Variants in CLEC16A observed in about 807,000 individuals in gnomAD.
The protein encoded by CLEC16A is protein CLEC16A.
In CLEC16A, 51 loss-of-function variants were observed where a neutral mutation model predicts 109.5. The ratio of observed to expected loss-of-function variants is 0.47; its 90% CI spans 0.37 to 0.59. The LOEUF (loss-of-function observed/expected upper bound fraction) is 0.59, where lower values mean the gene tolerates loss of function less well. Ranked by LOEUF, CLEC16A falls within the 20% of genes least tolerant of loss-of-function variation. CLEC16A has a pLI of 0.00. For missense variants in CLEC16A, 1,339 were observed against 1,394.0 expected (o/e 0.96, Z 0.63); for synonymous variants, 673 against 564.2 (o/e 1.19, Z -2.73).
In CLEC16A at chr16:10,981,708, A is replaced by G. The variant is rs183246612; in HGVS notation, c.958-1170A>G. 1.8e-4 allele frequency among the ~76,000 whole-genome samples: 27 copies of G among 152,358 alleles called. No homozygotes were observed. In the East Asian group the frequency reaches 4.8e-3, roughly 27 times the overall value. On this transcript the variant is annotated intron_variant, in intron 9 of 23. Transcript: ENST00000409790. The stretch of plus-strand genomic sequence containing the variant: ...TTAAAGTTAAAAAGTTCAAACATGT[A>G]AAAACCGGGTTTCTGTTCTAGTTTT...
intron 23 of CLEC16A, among the ~76,000 whole-genome samples, chr16:11,173,884 CT>C (rs1490003221): frequency 2.6e-5 from 4 of 152,184 alleles, no homozygotes; most frequent in East Asian, 1.9e-4. Context: ...TTCTCTGCCC[CT>C]AACCCGGTTA....
rs143937504 is a variant in CLEC16A, at chr16:10,945,721, G to C, written c.80+924G>C. 6.3e-3 allele frequency among the ~76,000 whole-genome samples: 967 copies of C among 152,336 alleles called. 19 individuals are homozygous for C. Among genetic ancestry groups the C allele is most frequent in the African/African-American group, 0.022 (918 of 41,570 alleles). On this transcript the variant is annotated intron_variant, in intron 1 of 23. Transcript: ENST00000409790. ...TAGTAGGTGGCCAGTAGTGGTAGCTGTGTTTATTATCAGCTCAGCGAGGCC... is the reference window on the plus strand; with the variant it reads ...TAGTAGGTGGCCAGTAGTGGTAGCTCTGTTTATTATCAGCTCAGCGAGGCC...
At chr16:11,011,268 A>G (rs903887129) in intron 11 of CLEC16A, among the ~76,000 whole-genome samples, 7 of 152,298 alleles carry the variant, frequency 4.6e-5, no homozygotes, top group Middle Eastern at 6.8e-3. Flanking sequence ...CACGTTCAAC[A>G]TTCTCTCTGT....
chr16:11,039,788 C>T lies in CLEC16A; in HGVS notation c.1572C>T (p.Leu524=), dbSNP rs1308534638. The change falls in exon 14 of 24, where the codon CTC becomes CTT. Residue 524 remains leucine, a synonymous_variant. Transcript: ENST00000409790. ...CTGAAAAATTAGAGCGAATCCAGCT[C>T]CCCGTGCCAAATGCGGCCGAGAAGA... ...MDPEKLERIQ[L]PVPNAAEKTT... The T allele has an allele frequency of 1.9e-6, 3 of 1,607,326 alleles. No homozygotes were observed. Among genetic ancestry groups the T allele is most frequent in the African/African-American group, 1.3e-5 (1 of 74,736 alleles).
intron 4 of CLEC16A, 31 bp from the exon 5 acceptor site, chr16:10,971,094 T>C (rs200404847): frequency 4.1e-6 from 6 of 1,481,044 alleles, no homozygotes; most frequent in Non-Finnish European, 5.7e-6. Flanking sequence ...TATGGGCTTA[T>C]AATTTGTTTT....
chr16:11,013,819 A>G (rs1395932524), intron 11 of CLEC16A, among the ~76,000 whole-genome samples: 1 of 151,900 alleles, frequency 6.6e-6, no homozygotes, highest in African/African-American at 2.4e-5. Flanking sequence ...TACACCTGTA[A>G]TCCTAGCTAC....
At chr16:11,125,350 C>G (rs2052729906) in intron 21 of CLEC16A, among the ~76,000 whole-genome samples, 1 of 151,938 alleles carries the variant, frequency 6.6e-6, no homozygotes. Context: ...GCATGAAGGC[C>G]AAATACTTCA....
intron 13 of CLEC16A, chr16:11,027,911 C>G: frequency 1.6e-6 from 1 of 607,848 alleles, no homozygotes; most frequent in Non-Finnish European, 2.9e-6. Context: ...AAAGAAAAGA[C>G]AGTAGCTGGC....
intron 19 of CLEC16A, among the ~76,000 whole-genome samples, chr16:11,061,904 G>T (rs1481900315): frequency 6.6e-6 from 1 of 152,180 alleles, no homozygotes; most frequent in East Asian, 1.9e-4. Flanking sequence ...TTCATCCTCA[G>T]GAGGGCTCTC....
chr16:11,092,349 CAAACAA>C (rs1221360826), intron 19 of CLEC16A, among the ~76,000 whole-genome samples: 1 of 119,630 alleles, frequency 8.4e-6, no homozygotes, highest in Non-Finnish European at 1.7e-5. Context: ...TCTCAAAAAA[CAAACAA>C]AAACAAACAC....
At chr16:11,173,984 G>C (rs950922236) in intron 23 of CLEC16A, among the ~76,000 whole-genome samples, 4 of 152,056 alleles carry the variant, frequency 2.6e-5, no homozygotes, top group African/African-American at 9.7e-5. Flanking sequence ...CTGCATGGGG[G>C]GCCAGCGCCC....
chr16:11,017,605 A>G (rs1402480306), intron 11 of CLEC16A, among the ~76,000 whole-genome samples: 1 of 152,196 alleles, frequency 6.6e-6, no homozygotes, highest in Non-Finnish European at 1.5e-5. Context: ...ACAGTGGCGA[A>G]AGCTGATGAA....
chr16:10,993,321 G>T (rs1250083202), intron 10 of CLEC16A, among the ~76,000 whole-genome samples: 1 of 152,192 alleles, frequency 6.6e-6, no homozygotes, highest in Non-Finnish European at 1.5e-5. Flanking sequence ...GGAGGTTGCA[G>T]TGAGCCATGA....
At chr16:11,149,755 C>G (rs778577146) in intron 22 of CLEC16A, 19 of 151,060 alleles carry the variant, frequency 1.3e-4, no homozygotes, top group Admixed American at 4.0e-4. Flanking sequence ...CACCAGTTCA[C>G]TCCAGCCTGG....
At chr16:10,983,197 T>G (rs1234875838) in intron 10 of CLEC16A, among the ~76,000 whole-genome samples, 1 of 152,184 alleles carries the variant, frequency 6.6e-6, no homozygotes, top group African/African-American at 2.4e-5. Flanking sequence ...ATTTGATTGA[T>G]TGTGTGTTCT....
chr16:11,026,105 A>G (rs865889469), intron 13 of CLEC16A, among the ~76,000 whole-genome samples: 2 of 152,304 alleles, frequency 1.3e-5, no homozygotes, highest in East Asian at 1.9e-4. Context: ...TTTTGCATCT[A>G]TGTTCATGAC....
In CLEC16A at chr16:10,957,827, G is replaced by C; in HGVS notation, c.126G>C (p.Gln42His). ...CCAAAAACACCACAGTCACAGAACA[G>C]AACCGGAACCTGCTAGTGGAGACCA... is the stretch of plus-strand genomic sequence containing the variant. ...VLTKNTTVTEQNRNLLVETIR... is the reference protein window; with the variant it reads ...VLTKNTTVTEHNRNLLVETIR... The change falls in exon 2 of 24, where the codon CAG becomes CAC. Residue 42 changes from glutamine to histidine, a missense_variant. This residue lies in a region of CLEC16A where 117 missense variants were observed against 120.2 expected (regional missense o/e 0.97). Transcript: ENST00000409790. 6.2e-7 allele frequency: 1 copy of C among 1,613,804 alleles called. No individual in the cohort carries two copies. The highest frequency in any genetic ancestry group is 8.5e-7 in the Non-Finnish European group (1 of 1,179,704).
In CLEC16A at chr16:10,982,891, T is replaced by C. The variant is rs200155200; in HGVS notation, c.971T>C (p.Ile324Thr). 3.1e-6 allele frequency: 5 copies of C among 1,600,792 alleles called. No homozygotes were observed. Among genetic ancestry groups the C allele is most frequent in the Non-Finnish European group, 4.3e-6 (5 of 1,168,052 alleles). ...TTTTTCCGCCAGGTCTTCTTAATTA[T>C]ACATCATGCACCGCTGGTGAACTCG... ...LYLLSQVFLI[I>T]HHAPLVNSLA... The change falls in exon 10 of 24, where the codon ATA becomes ACA. Residue 324 changes from isoleucine to threonine, a missense_variant. Transcript: ENST00000409790.
At chr16:10,981,670 TA>T (rs1567537445) in intron 9 of CLEC16A, among the ~76,000 whole-genome samples, 1 of 152,250 alleles carries the variant, frequency 6.6e-6, no homozygotes, top group Non-Finnish European at 1.5e-5. Flanking sequence ...TAATTTTTTT[TA>T]AACAACGTTT....
Sources: allele counts gnomAD v4.1 joint callset (sites outside exome capture counted in the v4.1 genomes callset), GRCh38; gene constraint gnomAD v4.1.1; regional missense constraint gnomAD v4.1.1; transcripts MANE v1.5; gene names NCBI Gene and HGNC (gene_info 2026-07-23, HGNC 2026-07-21).